FLT3: variants seen among roughly 807,000 people sequenced by gnomAD.
The protein encoded by FLT3 is fms related receptor tyrosine kinase 3.
FLT3 carries 46 observed loss-of-function variants against 126.6 expected under a neutral mutation model. That is an observed-to-expected ratio of 0.36 (90% CI 0.29 to 0.46). FLT3 has a LOEUF of 0.46. Ranked by LOEUF, FLT3 falls within the 20% of genes least tolerant of loss-of-function variation. The probability of loss-of-function intolerance (pLI) is 1.00; values close to 1 mark genes in which losing one functional copy is unlikely to be tolerated. For missense variants in FLT3, 1,069 were observed against 1,190.3 expected, an observed-to-expected ratio of 0.90 and a Z score of 1.50; for synonymous variants, 404 against 434.4, an observed-to-expected ratio of 0.93 and a Z score of 0.87.
At chr13:28,052,751 T>G (rs1270436704) in intron 4 of FLT3, 77 bp from the exon 5 acceptor site, 35 of 1,054,300 alleles carry the variant, frequency 3.3e-5, no homozygotes, top group Non-Finnish European at 4.3e-5. Flanking sequence ...AAGGATTCTA[T>G]GTCATTATGA....
chr13:28,064,402 G>A (rs1358938918), intron 2 of FLT3, among the ~76,000 whole-genome samples: 1 of 152,040 alleles, frequency 6.6e-6, no homozygotes, highest in African/African-American at 2.4e-5. Flanking sequence ...GTGAGACCCT[G>A]TCTGTACTAA....
intron 1 of FLT3, among the ~76,000 whole-genome samples, chr13:28,085,661 C>CTA (rs1878629685): frequency 6.9e-6 from 1 of 145,964 alleles, no homozygotes; most frequent in Non-Finnish European, 1.5e-5. Context: ...ATGAATCAAG[C>CTA]CTTATAACAT....
At chr13:28,092,247 C>T (rs1432988632) in intron 1 of FLT3, among the ~76,000 whole-genome samples, 1 of 152,098 alleles carries the variant, frequency 6.6e-6, no homozygotes, top group Non-Finnish European at 1.5e-5. Context: ...TCTCTCCTCC[C>T]TCTCCCCAAA....
intron 22 of FLT3, among the ~76,000 whole-genome samples, chr13:28,014,923 T>C (rs1871706586): frequency 6.6e-6 from 1 of 152,110 alleles, no homozygotes; most frequent in South Asian, 2.1e-4. Context: ...CAGCCAGGTG[T>C]GGTGGCTCAC....
intron 1 of FLT3, among the ~76,000 whole-genome samples, chr13:28,073,017 A>C (rs1045805740): frequency 6.6e-6 from 1 of 150,416 alleles, no homozygotes; most frequent in Non-Finnish European, 1.5e-5. Flanking sequence ...AAAAAAAAAA[A>C]CAACAACAAC....
intron 1 of FLT3, chr13:28,073,405 G>C (rs2137795446): frequency 2.3e-6 from 1 of 443,964 alleles, no homozygotes. Context: ...TCTGTAGATA[G>C]CGACAGGAGG....
chr13:28,078,258 A>C (rs1878095500), intron 1 of FLT3, among the ~76,000 whole-genome samples: 1 of 152,208 alleles, frequency 6.6e-6, no homozygotes, highest in Admixed American at 6.5e-5. Flanking sequence ...GAGGTTCTCC[A>C]TGAGGACCCT....
chr13:28,077,233 C>T (rs181953063), intron 1 of FLT3, among the ~76,000 whole-genome samples: 33 of 152,190 alleles, frequency 2.2e-4, no homozygotes, highest in South Asian at 6.2e-4. Flanking sequence ...GTGAGGAACT[C>T]AGGAAGCTTC....
At chr13:28,041,907 C>T (rs946679066) in intron 9 of FLT3, among the ~76,000 whole-genome samples, 2 of 152,126 alleles carry the variant, frequency 1.3e-5, no homozygotes, top group East Asian at 1.9e-4. Flanking sequence ...AATCCCAACA[C>T]TTTGGGAGGC....
At chr13:28,005,543 C>T (rs546477464) in intron 23 of FLT3, among the ~76,000 whole-genome samples, 27 of 151,716 alleles carry the variant, frequency 1.8e-4, no homozygotes, top group African/African-American at 4.1e-4. Context: ...TTTTTTTTCA[C>T]GGCAGCCTAG....
intron 20 of FLT3, among the ~76,000 whole-genome samples, chr13:28,016,962 C>G (rs75558585): frequency 3.3e-5 from 5 of 152,116 alleles, no homozygotes; most frequent in African/African-American, 1.2e-4. Flanking sequence ...TTTCCCACAT[C>G]AACGCTATGA....
At chr13:28,016,477 G>A (rs1188086519) in intron 20 of FLT3, among the ~76,000 whole-genome samples, 1 of 151,900 alleles carries the variant, frequency 6.6e-6, no homozygotes, top group Non-Finnish European at 1.5e-5. Flanking sequence ...CACCATGTTG[G>A]CCAGGCTGGT....
intron 1 of FLT3, chr13:28,073,477 A>G: frequency 3.2e-6 from 1 of 313,044 alleles, no homozygotes. Context: ...GAAAGTAAGA[A>G]CTTTTCCTGC....
chr13:28,083,554 A>G (rs964361935), intron 1 of FLT3, among the ~76,000 whole-genome samples: 1 of 152,174 alleles, frequency 6.6e-6, no homozygotes, highest in Non-Finnish European at 1.5e-5. Context: ...AGGAGTCTGT[A>G]TAGAATTGGT....
chr13:28,017,439 C>A (rs1021041406), intron 20 of FLT3, among the ~76,000 whole-genome samples: 10 of 152,082 alleles, frequency 6.6e-5, no homozygotes, highest in African/African-American at 2.4e-4. Flanking sequence ...GTTCCATAGG[C>A]TGGTCTTGAA....
chr13:28,035,744 C>G (rs775482125), intron 11 of FLT3, 71 bp from the exon 12 acceptor site: 3 of 1,484,336 alleles, frequency 2.0e-6, no homozygotes, highest in Non-Finnish European at 2.8e-6. Flanking sequence ...ATTTCTGCAG[C>G]GAGTTCTAAA....
intron 1 of FLT3, among the ~76,000 whole-genome samples, chr13:28,074,042 T>C (rs1226606720): frequency 6.6e-6 from 1 of 152,100 alleles, no homozygotes; most frequent in East Asian, 1.9e-4. Flanking sequence ...AGCTTTGATA[T>C]CACGCCCTGC....
intron 23 of FLT3, among the ~76,000 whole-genome samples, chr13:28,010,676 C>T (rs1871275900): frequency 6.6e-6 from 1 of 152,176 alleles, no homozygotes; most frequent in Non-Finnish European, 1.5e-5. Context: ...CTCTGGTTCT[C>T]TGAGGGCCCT....
At position 28,034,272 on chromosome 13, in the gene FLT3, G is replaced by T. The variant is rs764075004; in HGVS notation, c.1704+29C>A. ...TAGGCAGTTCTGCAGATAGAGGAAA[G>T]AATAATGAATTTTTACCTTTGCTTT... On this transcript the variant is annotated intron_variant, in intron 13 of 23. Transcript: ENST00000241453. The T allele has an allele frequency of 6.2e-6, 10 of 1,612,660 alleles. No individual in the cohort carries two copies. In the South Asian group the frequency reaches 1.1e-4, roughly 18 times the overall value.
Sources: gnomAD v4.1 joint callset for allele counts (sites outside exome capture counted in the v4.1 genomes callset) on GRCh38, gnomAD v4.1.1 for gene constraint, MANE v1.5 for transcripts, NCBI Gene and HGNC (gene_info 2026-07-23, HGNC 2026-07-21) for gene names.